The following ANTXR1 variants were observed in gnomAD, a reference collection of about 807,000 sequenced individuals.
The protein encoded by ANTXR1 is anthrax toxin receptor 1.
ANTXR1 carries 19 observed loss-of-function variants against 78.1 expected under a neutral mutation model. That is an observed-to-expected ratio of 0.24 (90% CI 0.17 to 0.36). The LOEUF (loss-of-function observed/expected upper bound fraction) is 0.36, where lower values mean the gene tolerates loss of function less well. Ranked by LOEUF, ANTXR1 falls within the 10% of genes least tolerant of loss-of-function variation. The probability of loss-of-function intolerance (pLI) is 1.00; values close to 1 mark genes in which losing one functional copy is unlikely to be tolerated. For missense variants in ANTXR1, 518 were observed against 718.6 expected (o/e 0.72, Z 3.19); for synonymous variants, 273 against 260.5 (o/e 1.05, Z -0.46).
chr2:69,051,364 T>C (rs1298616139), intron 3 of ANTXR1, among the ~76,000 whole-genome samples: 2 of 152,122 alleles, frequency 1.3e-5, no homozygotes, highest in African/African-American at 4.8e-5. Context: ...AAATCTGATA[T>C]GGTTGTTGAA....
chr2:69,013,316 C>T lies in ANTXR1; in HGVS notation c.-184C>T. 1.3e-6 allele frequency: 1 copy of T among 783,742 alleles called. No individual in the cohort carries two copies. Among genetic ancestry groups the T allele is most frequent in the Non-Finnish European group, 2.1e-6 (1 of 485,100 alleles). The allele number at this position is 783,742 out of a possible 1,614,324, so 48.5% of individuals were successfully genotyped here. On this transcript the variant is annotated 5_prime_UTR_variant, in exon 1 of 18. Coordinates refer to ENST00000303714, the MANE Select transcript of ANTXR1 (RefSeq NM_032208.3). This position sits in a 1 kb window ranked among gnomAD's most constrained non-coding sequence, Gnocchi z 5.0. ...GAAACCCGAAACCCAGAAACAGCAT[C>T]GGAGCGGAAACCAGAGGGGAAACCT...
At chr2:69,146,222 T>C in intron 12 of ANTXR1, 2 of 985,310 alleles carry the variant, frequency 2.0e-6, no homozygotes, top group Non-Finnish European at 2.4e-6. Context: ...AAATGGATGA[T>C]CCCCCAACAG....
At chr2:69,244,001 G>A (rs973889728) in intron 17 of ANTXR1, among the ~76,000 whole-genome samples, 8 of 152,244 alleles carry the variant, frequency 5.3e-5, no homozygotes, top group Admixed American at 3.3e-4. Context: ...GTGGCCAAGC[G>A]AAGAGAGCTC....
intron 8 of ANTXR1, 45 bp from the exon 9 acceptor site, chr2:69,090,814 A>G: frequency 1.3e-6 from 2 of 1,599,048 alleles, no homozygotes; most frequent in Non-Finnish European, 1.7e-6. Context: ...CTGTCTTTGA[A>G]CAAAATAAGC....
rs535253904 is a variant in ANTXR1 at position 69,249,150 on chromosome 2, A to G, written c.*3665A>G. The G allele has an allele frequency of 5.3e-4, 80 of 152,286 alleles. No individual in the cohort carries two copies. The highest frequency in any genetic ancestry group is 7.2e-4 in the Admixed American group (11 of 15,306). The allele number at this position is 152,286 out of a possible 1,614,324, so 9.4% of individuals were successfully genotyped here. ...CCTGGAAGTTGCTTTTTTTAAAAAA[A>G]TAATAAATTTCTTAAATCAACTCTT... On this transcript the variant is annotated 3_prime_UTR_variant, in exon 18 of 18. Coordinates refer to ENST00000303714, the MANE Select transcript of ANTXR1 (RefSeq NM_032208.3).
At chr2:69,099,935 T>C (rs1671555463) in intron 9 of ANTXR1, among the ~76,000 whole-genome samples, 1 of 152,234 alleles carries the variant, frequency 6.6e-6, no homozygotes, top group Non-Finnish European at 1.5e-5. Context: ...AAGCTTTCAA[T>C]GTAATTGGGA....
chr2:69,111,099 ATT>A (rs1360628770), intron 10 of ANTXR1, among the ~76,000 whole-genome samples: 1 of 152,204 alleles, frequency 6.6e-6, no homozygotes, highest in Non-Finnish European at 1.5e-5. Flanking sequence ...TTAAAACTTA[ATT>A]TTTAAATTCT....
At chr2:69,237,298 A>G (rs1675788873) in intron 17 of ANTXR1, among the ~76,000 whole-genome samples, 1 of 152,264 alleles carries the variant, frequency 6.6e-6, no homozygotes, top group African/African-American at 2.4e-5. Flanking sequence ...CTTTCCATGA[A>G]CAGCACATAA....
At chr2:69,154,549 C>T (rs1017961099) in intron 13 of ANTXR1, among the ~76,000 whole-genome samples, 3 of 152,168 alleles carry the variant, frequency 2.0e-5, no homozygotes, top group Admixed American at 1.3e-4. Context: ...GTTTCTCTCC[C>T]GAGATACAGC....
chr2:69,240,050 TAGGAGATGTCCA>T (rs1675858781), intron 17 of ANTXR1, among the ~76,000 whole-genome samples: 1 of 152,236 alleles, frequency 6.6e-6, no homozygotes, highest in Non-Finnish European at 1.5e-5. Flanking sequence ...TCCAAGAACC[TAGGAGATGTCCA>T]AGGAGACCAT....
At chr2:69,140,301 G>T (rs1017498740) in intron 12 of ANTXR1, among the ~76,000 whole-genome samples, 1 of 152,194 alleles carries the variant, frequency 6.6e-6, no homozygotes, top group Non-Finnish European at 1.5e-5. Flanking sequence ...AAAGTAATAA[G>T]ATTTATAGCA....
intron 13 of ANTXR1, among the ~76,000 whole-genome samples, chr2:69,166,971 A>G (rs1673843503): frequency 6.6e-6 from 1 of 152,264 alleles, no homozygotes; most frequent in South Asian, 2.1e-4. Context: ...TGAGATTCCC[A>G]GGGGAGGTGC....
chr2:69,177,785 G>T (rs964979259), intron 14 of ANTXR1, among the ~76,000 whole-genome samples: 1 of 152,098 alleles, frequency 6.6e-6, no homozygotes, highest in East Asian at 1.9e-4. Context: ...ACCCCTGACG[G>T]AATATTAAAG....
At chr2:69,158,304 T>G (rs1206247311) in intron 13 of ANTXR1, among the ~76,000 whole-genome samples, 4 of 152,244 alleles carry the variant, frequency 2.6e-5, no homozygotes, top group African/African-American at 4.8e-5. Context: ...TATTATTTCC[T>G]CTTGCTGAAA....
chr2:69,022,451 A>C (rs1220541295), intron 1 of ANTXR1, among the ~76,000 whole-genome samples: 1 of 152,214 alleles, frequency 6.6e-6, no homozygotes, highest in East Asian at 1.9e-4. Flanking sequence ...TCCTGACTAA[A>C]AGAAGGCAGG....
intron 10 of ANTXR1, among the ~76,000 whole-genome samples, chr2:69,116,486 G>A (rs771661561): frequency 1.3e-5 from 2 of 152,206 alleles, no homozygotes; most frequent in African/African-American, 2.4e-5. Context: ...CGGCCTGTCT[G>A]TTGTTCCATC....
intron 17 of ANTXR1, among the ~76,000 whole-genome samples, chr2:69,219,873 C>T (rs564469836): frequency 2.5e-4 from 38 of 152,238 alleles, no homozygotes; most frequent in African/African-American, 9.1e-4. Context: ...TCCCCTTTCC[C>T]ACTGTGTTGA....
chr2:69,223,189 A>C (rs1195381566), intron 17 of ANTXR1, among the ~76,000 whole-genome samples: 1 of 152,214 alleles, frequency 6.6e-6, no homozygotes, highest in African/African-American at 2.4e-5. Context: ...GATCACTTCA[A>C]GTGTGCATGG....
chr2:69,037,957 A>G (rs1669494615), intron 1 of ANTXR1, among the ~76,000 whole-genome samples: 1 of 152,126 alleles, frequency 6.6e-6, no homozygotes, highest in Non-Finnish European at 1.5e-5. Context: ...TACAGGCTGC[A>G]TGGTGCTGCA....
Sources: allele counts gnomAD v4.1 joint callset (sites outside exome capture counted in the v4.1 genomes callset), GRCh38; gene constraint gnomAD v4.1.1; non-coding constraint Gnocchi (gnomAD v3.1); transcripts MANE v1.5; gene names NCBI Gene and HGNC (gene_info 2026-07-23, HGNC 2026-07-21).